Variants in RGL1 observed in about 807,000 individuals in gnomAD.
RGL1 encodes the protein ral guanine nucleotide dissociation stimulator like 1, also known as ral guanine nucleotide dissociation stimulator-like 1.
Under a neutral mutation model 95.2 loss-of-function variants are expected in RGL1, and 24 were observed. That is an observed-to-expected ratio of 0.25 (90% CI 0.18 to 0.35). The LOEUF (loss-of-function observed/expected upper bound fraction) is 0.35. Among genes scored for constraint, RGL1 ranks in the 10% least tolerant of loss-of-function variants. RGL1 has a pLI of 1.00. For missense variants in RGL1, 715 were observed against 936.3 expected (o/e 0.76, Z 3.08); for synonymous variants, 329 against 344.9 (o/e 0.95, Z 0.51).
chr1:183,885,804 G>A (rs116723862), intron 7 of RGL1, among the ~76,000 whole-genome samples: 116 of 152,274 alleles, frequency 7.6e-4, no homozygotes, highest in African/African-American at 2.6e-3. Flanking sequence ...TAGAGGAGTA[G>A]GGCCATGGGA....
chr1:183,734,880 T>C (rs4146996), intron 1 of RGL1, among the ~76,000 whole-genome samples: 105,722 of 152,114 alleles, frequency 0.7, 37,116 homozygotes, highest in East Asian at 0.91. Context: ...TCCTCTCCCT[T>C]CCCCACGTCT....
intron 2 of RGL1, among the ~76,000 whole-genome samples, chr1:183,785,326 C>T (rs1437786630): frequency 1.3e-5 from 2 of 152,184 alleles, no homozygotes; most frequent in Non-Finnish European, 2.9e-5. Flanking sequence ...TTTGCTCCTG[C>T]CATTCCTTCG....
At chr1:183,729,243 T>G (rs1444167953) in intron 1 of RGL1, among the ~76,000 whole-genome samples, 2 of 152,064 alleles carry the variant, frequency 1.3e-5, no homozygotes. Context: ...ATATCTAGAA[T>G]ATATAAAGAA....
At chr1:183,749,511 T>C (rs1657862869) in intron 2 of RGL1, among the ~76,000 whole-genome samples, 1 of 152,240 alleles carries the variant, frequency 6.6e-6, no homozygotes, top group African/African-American at 2.4e-5. Flanking sequence ...TGACTCTTTA[T>C]CCAATTTTCC....
At chr1:183,883,655 T>A (rs1666946716) in intron 5 of RGL1, 131 bp from the exon 6 acceptor site, 2 of 881,470 alleles carry the variant, frequency 2.3e-6, no homozygotes, top group Non-Finnish European at 3.6e-6. Context: ...ATTGTGCTTG[T>A]GGTTGTCTCC....
At chr1:183,919,910 G>A (rs759298219) in intron 16 of RGL1, among the ~76,000 whole-genome samples, 2 of 151,904 alleles carry the variant, frequency 1.3e-5, no homozygotes, top group African/African-American at 4.8e-5. Flanking sequence ...ATGAGCTGAG[G>A]GTAAAATATA....
chr1:183,829,758 C>G (rs113010868), intron 2 of RGL1, among the ~76,000 whole-genome samples: 121 of 152,202 alleles, frequency 7.9e-4, no homozygotes, highest in African/African-American at 2.9e-3. Flanking sequence ...TCTTGTATTC[C>G]AAGTTACTTC....
At chr1:183,801,143 TTGTG>T (rs139990784), upstream of RGL1, among the ~76,000 whole-genome samples, 784 of 129,968 alleles carry the variant, frequency 6.0e-3, 6 homozygotes, top group African/African-American at 0.016. Context: ...ACTTGTTATT[TTGTG>T]TGTGTGTGTG....
chr1:183,701,273 T>C (rs1654583045), intron 1 of RGL1, among the ~76,000 whole-genome samples: 1 of 152,174 alleles, frequency 6.6e-6, no homozygotes, highest in Non-Finnish European at 1.5e-5. Flanking sequence ...GAAAGAATGG[T>C]TTTTAGTTCT....
chr1:183,912,824 C>T (rs1017316952), intron 15 of RGL1, among the ~76,000 whole-genome samples: 2 of 152,144 alleles, frequency 1.3e-5, no homozygotes, highest in Non-Finnish European at 1.5e-5. Context: ...CATGCTAAGA[C>T]GGACAAGCAA....
intron 1 of RGL1, among the ~76,000 whole-genome samples, chr1:183,687,107 G>A (rs1333353496): frequency 6.6e-6 from 1 of 152,118 alleles, no homozygotes; most frequent in African/African-American, 2.4e-5. Flanking sequence ...TGGTTTTCCT[G>A]CTTCCCCTCT....
At chr1:183,662,892 C>G (rs1341701589) in intron 1 of RGL1, among the ~76,000 whole-genome samples, 1 of 152,136 alleles carries the variant, frequency 6.6e-6, no homozygotes. Flanking sequence ...GAACAGAGCC[C>G]TCACAAATAA....
chr1:183,662,518 C>A (rs1439168134), intron 1 of RGL1, among the ~76,000 whole-genome samples: 2 of 152,006 alleles, frequency 1.3e-5, no homozygotes, highest in African/African-American at 4.8e-5. Flanking sequence ...TGTGAAGGAC[C>A]TCTTCAAGGA....
chr1:183,699,620 T>G (rs1442591133), intron 1 of RGL1, among the ~76,000 whole-genome samples: 2 of 152,218 alleles, frequency 1.3e-5, no homozygotes, highest in Non-Finnish European at 2.9e-5. Flanking sequence ...CTAGAGCCAC[T>G]AGATCACTAA....
At chr1:183,819,964 T>C (rs1572455151) in intron 2 of RGL1, among the ~76,000 whole-genome samples, 1 of 152,070 alleles carries the variant, frequency 6.6e-6, no homozygotes, top group African/African-American at 2.4e-5. Context: ...TTTAAATTTT[T>C]TGTAGAGATG....
intron 2 of RGL1, among the ~76,000 whole-genome samples, chr1:183,794,524 T>A (rs1234247113): frequency 6.6e-6 from 1 of 152,238 alleles, no homozygotes; most frequent in Non-Finnish European, 1.5e-5. Flanking sequence ...TATGCATTTA[T>A]CAAACTATCA....
intron 2 of RGL1, among the ~76,000 whole-genome samples, chr1:183,776,118 T>TTACA: frequency 6.6e-6 from 1 of 151,882 alleles, no homozygotes; most frequent in Non-Finnish European, 1.5e-5. Context: ...GATGTGGAGC[T>TTACA]TACAGTTCAG....
chr1:183,657,323 G>T (rs978744995), intron 1 of RGL1, among the ~76,000 whole-genome samples: 1 of 151,916 alleles, frequency 6.6e-6, no homozygotes, highest in South Asian at 2.1e-4. Flanking sequence ...AAGTTTTAGG[G>T]TACATGTGCA....
intron 1 of RGL1, among the ~76,000 whole-genome samples, chr1:183,726,567 AACTC>A (rs2102218668): frequency 6.6e-6 from 1 of 152,288 alleles, no homozygotes; most frequent in African/African-American, 2.4e-5. Context: ...AATCAAAACT[AACTC>A]AAGAATCAAC....
Sources: gnomAD v4.1 joint callset for allele counts (sites outside exome capture counted in the v4.1 genomes callset) on GRCh38, gnomAD v4.1.1 for gene constraint, MANE v1.5 for transcripts, NCBI Gene and HGNC (gene_info 2026-07-23, HGNC 2026-07-21) for gene names.